The following ANTXR2 variants were observed in gnomAD, a reference collection of about 807,000 sequenced individuals.
ANTXR2 encodes the protein ANTXR cell adhesion molecule 2, also known as anthrax toxin receptor 2.
ANTXR2 carries 44 observed loss-of-function variants against 73.7 expected under a neutral mutation model. That is an observed-to-expected ratio of 0.60 (90% CI 0.47 to 0.77). The LOEUF is 0.77. Ranked by LOEUF, ANTXR2 falls within the 30% of genes least tolerant of loss-of-function variation. ANTXR2 has a pLI of 0.00. For synonymous variants in ANTXR2, 217 were observed against 205.9 expected, an observed-to-expected ratio of 1.05 and a Z score of -0.46; for missense variants, 604 against 592.5, an observed-to-expected ratio of 1.02 and a Z score of -0.20.
intron 14 of ANTXR2, among the ~76,000 whole-genome samples, chr4:79,979,790 T>C (rs1729806553): frequency 6.6e-6 from 1 of 152,132 alleles, no homozygotes; most frequent in Non-Finnish European, 1.5e-5. Context: ...TATAGCTAAA[T>C]TGTATTAAAA....
Position 79,967,143 on chromosome 4 carries a change from A to T in ANTXR2, c.1428+10478T>A. On this transcript the variant is annotated intron_variant, in intron 16 of 16. Coordinates refer to ENST00000403729, the MANE Select transcript of ANTXR2 (RefSeq NM_058172.6). Reference sequence around the variant, plus strand: ...GGTCAGGGAGTTCCCTTTCCGAGTCAAAGAAAGGGGTTACGGATGCACCTG... The same window carrying T: ...GGTCAGGGAGTTCCCTTTCCGAGTCTAAGAAAGGGGTTACGGATGCACCTG... Among the ~76,000 whole-genome samples the T allele has an allele frequency of 2.9e-5, 2 of 68,416 alleles. 1 individual carries two copies. The highest frequency in any genetic ancestry group is 6.8e-5 in the Non-Finnish European group (2 of 29,468). 44.9% of individuals were successfully genotyped at this position (68,416 alleles called of 152,430 possible).
At chr4:79,979,361 G>A (rs1024698262) in intron 14 of ANTXR2, among the ~76,000 whole-genome samples, 1 of 151,798 alleles carries the variant, frequency 6.6e-6, no homozygotes, top group African/African-American at 2.4e-5. Context: ...AAGAGCTACC[G>A]AGGGCACACT....
At chr4:80,024,625 G>T (rs1267204412) in intron 10 of ANTXR2, 3 of 410,190 alleles carry the variant, frequency 7.3e-6, no homozygotes, top group African/African-American at 6.2e-5. Context: ...AGCAGGGTGT[G>T]GTGGTACATG....
At chr4:79,914,738 T>C (rs968806202) in intron 16 of ANTXR2, among the ~76,000 whole-genome samples, 3 of 152,176 alleles carry the variant, frequency 2.0e-5, no homozygotes, top group Non-Finnish European at 2.9e-5. Context: ...GGTGAAACCA[T>C]ACTATTCTTC....
intron 16 of ANTXR2, among the ~76,000 whole-genome samples, chr4:79,976,052 A>G (rs553202564): frequency 2.0e-5 from 3 of 151,846 alleles, no homozygotes; most frequent in Admixed American, 6.6e-5. Flanking sequence ...AGCTGGGACT[A>G]CAGGCGCCCG....
chr4:79,955,969 G>A (rs2109988335), intron 16 of ANTXR2, among the ~76,000 whole-genome samples: 1 of 152,222 alleles, frequency 6.6e-6, no homozygotes, highest in South Asian at 2.1e-4. Context: ...GCAATTCCTG[G>A]AATATATAAG....
chr4:79,950,228 A>G (rs577931852), intron 16 of ANTXR2, among the ~76,000 whole-genome samples: 3 of 152,324 alleles, frequency 2.0e-5, no homozygotes, highest in African/African-American at 7.2e-5. Context: ...AGTCTACTTA[A>G]GAATTTAATA....
At chr4:79,931,449 TTCTC>T (rs142694925) in intron 16 of ANTXR2, among the ~76,000 whole-genome samples, 17,178 of 133,738 alleles carry the variant, frequency 0.13, 2,133 homozygotes, top group East Asian at 0.64. Flanking sequence ...TCCTCGCTTC[TTCTC>T]TCTCTCTCTC....
intron 12 of ANTXR2, among the ~76,000 whole-genome samples, chr4:80,000,947 G>A (rs1404436453): frequency 6.6e-6 from 1 of 151,976 alleles, no homozygotes; most frequent in Non-Finnish European, 1.5e-5. Context: ...AGCTGTCCAT[G>A]GATCTCTGTT....
chr4:79,915,562 C>T (rs1245293933), intron 16 of ANTXR2, among the ~76,000 whole-genome samples: 1 of 151,926 alleles, frequency 6.6e-6, no homozygotes, highest in African/African-American at 2.4e-5. Flanking sequence ...TTATAAATCA[C>T]TTCTAAAAAA....
chr4:79,983,858 T>C lies in ANTXR2; in HGVS notation c.1179+20A>G. 1 of 1,448,594 alleles carries C rather than the reference T, an allele frequency of 6.9e-7. No individual in the cohort carries two copies. The highest frequency in any genetic ancestry group is 1.4e-5 in the African/African-American group (1 of 70,676). The allele number at this position is 1,448,594 out of a possible 1,614,324, so 89.7% of individuals were successfully genotyped here. On this transcript the variant is annotated intron_variant, in intron 14 of 16. Transcript: ENST00000403729. ...ACATACTCCAGATTAGCAGCTTCTA[T>C]TTTTTTTTAAGATACCAACCTCCAT...
chr4:79,981,430 C>T (rs13118749), intron 14 of ANTXR2, among the ~76,000 whole-genome samples: 11,272 of 152,064 alleles, frequency 0.074, 489 homozygotes, highest in Middle Eastern at 0.11. Flanking sequence ...TTGTATATTA[C>T]GTTTGTGTAT....
intron 16 of ANTXR2, among the ~76,000 whole-genome samples, chr4:79,957,001 A>G (rs551911414): frequency 9.9e-4 from 151 of 152,262 alleles, no homozygotes; most frequent in African/African-American, 3.4e-3. Flanking sequence ...CCACTTGACA[A>G]TCCACCAAAT....
chr4:79,978,630 T>C (rs1044938707), intron 14 of ANTXR2, among the ~76,000 whole-genome samples: 5 of 152,234 alleles, frequency 3.3e-5, no homozygotes, highest in Non-Finnish European at 7.3e-5. Context: ...CTGCATTTAA[T>C]CCATACAAAA....
chr4:79,915,796 CTCTCTGTCTCTG>C (rs1373931364), intron 16 of ANTXR2, among the ~76,000 whole-genome samples: 2 of 144,574 alleles, frequency 1.4e-5, no homozygotes, highest in Admixed American at 7.1e-5. Flanking sequence ...ACATCTTTCT[CTCTCTGTCTCTG>C]TCTCTGTCTC....
intron 16 of ANTXR2, among the ~76,000 whole-genome samples, chr4:79,914,296 G>A (rs1727261689): frequency 6.6e-6 from 1 of 152,046 alleles, no homozygotes. Flanking sequence ...AGATTTATAA[G>A]ATGTCCTAAA....
At position 79,902,012 on chromosome 4, in the gene ANTXR2, G is replaced by A. The variant is rs1726723962; in HGVS notation, c.*5417C>T. 1 of 152,126 alleles carries A rather than the reference G, an allele frequency of 6.6e-6. No individual in the cohort carries two copies. The highest frequency in any genetic ancestry group is 2.4e-5 in the African/African-American group (1 of 41,432). 9.4% of individuals were successfully genotyped at this position (152,126 alleles called of 1,614,324 possible). ...AGGCCATGGACCAGTACCAGTCCAT[G>A]ACCTGGGGGATGGGATCCCTGCTCT... On this transcript the variant is annotated 3_prime_UTR_variant, in exon 17 of 17. Transcript: ENST00000403729.
rs78413365 is a variant in ANTXR2 at position 80,072,248 on chromosome 4, G to A, written c.152+161C>T. ...GACCCGGCTGATCTCCGCCCACACA[G>A]ATCCGAACGCGCTTGCCCTTTGAAA... On this transcript the variant is annotated intron_variant, in intron 1 of 16. Coordinates refer to ENST00000403729, the MANE Select transcript of ANTXR2 (RefSeq NM_058172.6). 0.037 allele frequency among the ~76,000 whole-genome samples: 5,579 copies of A among 152,216 alleles called. 327 individuals carry two copies. Among genetic ancestry groups the A allele is most frequent in the African/African-American group, 0.13 (5,243 of 41,498 alleles).
intron 11 of ANTXR2, 144 bp downstream of exon 11, chr4:80,018,754 T>G (rs1030775971): frequency 6.1e-6 from 4 of 651,998 alleles, no homozygotes; most frequent in Non-Finnish European, 9.9e-6. Flanking sequence ...AAACGAATTC[T>G]ATACAAAATT....
Sources: allele counts gnomAD v4.1 joint callset (sites outside exome capture counted in the v4.1 genomes callset), GRCh38; gene constraint gnomAD v4.1.1; transcripts MANE v1.5; gene names NCBI Gene and HGNC (gene_info 2026-07-23, HGNC 2026-07-21).